Variants in CACNA2D2 observed in about 807,000 individuals in gnomAD.
CACNA2D2 encodes the protein voltage-dependent calcium channel subunit alpha-2/delta-2.
Under a neutral mutation model 166.4 loss-of-function variants are expected in CACNA2D2, and 48 were observed. The ratio of observed to expected loss-of-function variants is 0.29; its 90% CI spans 0.23 to 0.37. The LOEUF (loss-of-function observed/expected upper bound fraction) is 0.37. Among genes scored for constraint, CACNA2D2 ranks in the 10% least tolerant of loss-of-function variants. CACNA2D2 has a pLI of 1.00. For synonymous variants in CACNA2D2, 561 were observed against 573.7 expected, an observed-to-expected ratio of 0.98 and a Z score of 0.32; for missense variants, 1,122 against 1,433.0, an observed-to-expected ratio of 0.78 and a Z score of 3.50.
intron 3 of CACNA2D2, among the ~76,000 whole-genome samples, chr3:50,432,689 G>A (rs1047505205): frequency 1.2e-4 from 19 of 152,220 alleles, no homozygotes. Context: ...ATGTCCAGGA[G>A]ATCCTGAAGG....
chr3:50,386,636 C>T (rs587652656), intron 5 of CACNA2D2, among the ~76,000 whole-genome samples: 1 of 152,210 alleles, frequency 6.6e-6, no homozygotes, highest in Non-Finnish European at 1.5e-5. Flanking sequence ...GGATCCTGCA[C>T]AGGGATCCTT....
At chr3:50,423,781 A>T (rs1707681431) in intron 3 of CACNA2D2, among the ~76,000 whole-genome samples, 1 of 152,250 alleles carries the variant, frequency 6.6e-6, no homozygotes, top group African/African-American at 2.4e-5. Context: ...AAGGGCCCCC[A>T]GGCCTGTGCC....
At chr3:50,407,269 C>T (rs777021199) in intron 3 of CACNA2D2, among the ~76,000 whole-genome samples, 4 of 151,828 alleles carry the variant, frequency 2.6e-5, no homozygotes, top group Non-Finnish European at 5.9e-5. Flanking sequence ...TGTACTGAGG[C>T]ATCACAGGTC....
intron 3 of CACNA2D2, among the ~76,000 whole-genome samples, chr3:50,417,954 G>A (rs1707343005): frequency 6.6e-6 from 1 of 152,144 alleles, no homozygotes; most frequent in Admixed American, 6.5e-5. Flanking sequence ...TGGGGTTCAG[G>A]GAGCACCAAC....
At position 50,391,238 on chromosome 3, in the gene CACNA2D2, G is replaced by T. The variant is rs546677550; in HGVS notation, c.465+2871C>A. ...TGTCCTTCCCTTACACTTCCCAGGGGAGGGCTGTCTCTTCCATTCCACTCC... is the reference window on the plus strand; with the variant it reads ...TGTCCTTCCCTTACACTTCCCAGGGTAGGGCTGTCTCTTCCATTCCACTCC... On this transcript the variant is annotated intron_variant, in intron 4 of 37. Transcript: ENST00000424201. Among the ~76,000 whole-genome samples, 3 of 152,344 alleles carry T rather than the reference G, an allele frequency of 2.0e-5. No individual in the cohort carries two copies. The South Asian group carries it at 6.2e-4, about 32-fold the overall frequency.
At chr3:50,462,415 A>G (rs902346685) in intron 2 of CACNA2D2, among the ~76,000 whole-genome samples, 2 of 147,128 alleles carry the variant, frequency 1.4e-5, no homozygotes, top group East Asian at 2.0e-4. Context: ...TAATAATAAT[A>G]ATAATAATAA....
Position 50,500,497 on chromosome 3 carries a change from G to A in CACNA2D2, c.206+2721C>T, listed in dbSNP as rs574039585. ...CTCGATGAAAGACCTGAAGAAGGGG[G>A]ACAGGGGAAGAGGGAGGGAAAGACA... On this transcript the variant is annotated intron_variant, in intron 1 of 37. Coordinates refer to ENST00000424201, the MANE Select transcript of CACNA2D2 (RefSeq NM_006030.4). 5.9e-5 allele frequency among the ~76,000 whole-genome samples: 9 copies of A among 152,286 alleles called. No individual in the cohort carries two copies. In the South Asian group the frequency reaches 6.2e-4, roughly 11 times the overall value.
chr3:50,429,930 A>AG (rs1417535162), intron 3 of CACNA2D2, among the ~76,000 whole-genome samples: 1 of 151,974 alleles, frequency 6.6e-6, no homozygotes, highest in Non-Finnish European at 1.5e-5. Flanking sequence ...GAAGCTCCTT[A>AG]GACAATTCCA....
At chr3:50,475,918 C>T (rs963683145) in intron 2 of CACNA2D2, among the ~76,000 whole-genome samples, 200 bp downstream of exon 2, 3 of 152,326 alleles carry the variant, frequency 2.0e-5, no homozygotes, top group Admixed American at 1.3e-4. Context: ...TGGCTCCGAT[C>T]GTTGCCTCAG....
chr3:50,467,561 G>A (rs1460648329), intron 2 of CACNA2D2, among the ~76,000 whole-genome samples: 1 of 152,134 alleles, frequency 6.6e-6, no homozygotes, highest in Non-Finnish European at 1.5e-5. Context: ...ACAGGCATAC[G>A]TACACACCTG....
chr3:50,379,686 G>A lies in CACNA2D2; in HGVS notation c.993+39C>T. 1 of 1,612,206 alleles carries A rather than the reference G, an allele frequency of 6.2e-7. No individual in the cohort carries two copies. The highest frequency in any genetic ancestry group is 8.5e-7 in the Non-Finnish European group (1 of 1,178,826). On this transcript the variant is annotated intron_variant, in intron 10 of 37. Transcript: ENST00000424201. This position sits in a 1 kb window ranked among gnomAD's most constrained non-coding sequence, Gnocchi z 6.5. The stretch of plus-strand genomic sequence containing the variant: ...ATGGTCACAGGAGCAGGGCAGATGG[G>A]GTGACCCATTTCACCCCGTCTGCCA...
chr3:50,364,626 C>T lies in CACNA2D2; in HGVS notation c.*40G>A. 1 of 1,472,752 alleles carries T rather than the reference C, an allele frequency of 6.8e-7. No homozygotes were observed. The highest frequency in any genetic ancestry group is 1.4e-5 in the South Asian group (1 of 72,740). The allele number at this position is 1,472,752 out of a possible 1,614,324, so 91.2% of individuals were successfully genotyped here. ...CAGGAGGGTGGGAAAGGCGAAGAGG[C>T]CGGGTGAGGTGGGAGTGGAGGTGGG... is the stretch of plus-strand genomic sequence containing the variant. On this transcript the variant is annotated 3_prime_UTR_variant, in exon 38 of 38. Transcript: ENST00000424201.
chr3:50,483,085 G>A (rs982858484), intron 1 of CACNA2D2, among the ~76,000 whole-genome samples: 7 of 152,348 alleles, frequency 4.6e-5, no homozygotes, highest in Admixed American at 2.0e-4. Context: ...TTGCTCAGCT[G>A]ATTCATGATA....
At chr3:50,397,838 C>A (rs1360293159) in intron 3 of CACNA2D2, among the ~76,000 whole-genome samples, 1 of 152,218 alleles carries the variant, frequency 6.6e-6, no homozygotes, top group Admixed American at 6.5e-5. Context: ...GTGGGCTTTA[C>A]TCCCCTCCGC....
In CACNA2D2 at chr3:50,367,119, G is replaced by T; in HGVS notation, c.2402-10C>A. 6.2e-7 allele frequency: 1 copy of T among 1,607,764 alleles called. No homozygotes were observed. Among genetic ancestry groups the T allele is most frequent in the Non-Finnish European group, 8.5e-7 (1 of 1,175,496 alleles). ...AGCGGCCTTAACAGGGCTGGGGGTT[G>T]GGTGGGGAAGTCAGGAGTGGGGTCT... is the stretch of plus-strand genomic sequence containing the variant. On this transcript the variant is annotated splice_polypyrimidine_tract_variant and intron_variant, in intron 27 of 37. Transcript: ENST00000424201. This position sits in a 1 kb window ranked among gnomAD's most constrained non-coding sequence, Gnocchi z 6.5.
At chr3:50,485,062 ATT>A (rs1698221607) in intron 1 of CACNA2D2, among the ~76,000 whole-genome samples, 1 of 152,212 alleles carries the variant, frequency 6.6e-6, no homozygotes, top group Admixed American at 6.5e-5. Flanking sequence ...TCCGTGCATA[ATT>A]CATGGCTCTC....
chr3:50,407,456 CA>C (rs1706777896), intron 3 of CACNA2D2, among the ~76,000 whole-genome samples: 1 of 152,164 alleles, frequency 6.6e-6, no homozygotes, highest in African/African-American at 2.4e-5. Flanking sequence ...CCCTCAAGGC[CA>C]GGGGGTGGAA....
intron 2 of CACNA2D2, among the ~76,000 whole-genome samples, chr3:50,463,272 T>A (rs977861839): frequency 2.1e-4 from 32 of 151,506 alleles, no homozygotes; most frequent in African/African-American, 6.8e-4. Context: ...TAGAGGACAG[T>A]GCCAGGTGGT....
At chr3:50,402,347 G>A (rs1396628486) in intron 3 of CACNA2D2, among the ~76,000 whole-genome samples, 1 of 152,204 alleles carries the variant, frequency 6.6e-6, no homozygotes, top group African/African-American at 2.4e-5. Context: ...TGCAGCAGCA[G>A]GCTGACTCAG....
Sources: allele counts gnomAD v4.1 joint callset (sites outside exome capture counted in the v4.1 genomes callset), GRCh38; gene constraint gnomAD v4.1.1; non-coding constraint Gnocchi (gnomAD v3.1); transcripts MANE v1.5; gene names NCBI Gene and HGNC (gene_info 2026-07-23, HGNC 2026-07-21).